Variants in FARP1 observed in about 807,000 individuals in gnomAD.
The protein encoded by FARP1 is FERM, ARH/RhoGEF and pleckstrin domain protein 1.
A neutral mutation model predicts 128.8 loss-of-function variants in FARP1; 52 were observed. The observed-to-expected ratio is 0.40, with a 90% confidence interval of 0.32 to 0.51. FARP1 has a LOEUF of 0.51. FARP1 is among the 20% of genes least tolerant of loss of function. The probability of loss-of-function intolerance (pLI) is 0.45; values close to 1 mark genes in which losing one functional copy is unlikely to be tolerated. For synonymous variants in FARP1, 580 were observed against 551.8 expected, an observed-to-expected ratio of 1.05 and a Z score of -0.72; for missense variants, 1,333 against 1,367.9, an observed-to-expected ratio of 0.97 and a Z score of 0.40.
At chr13:98,417,325 G>A (rs1295480708) in intron 16 of FARP1, among the ~76,000 whole-genome samples, 1 of 151,952 alleles carries the variant, frequency 6.6e-6, no homozygotes, top group Admixed American at 6.6e-5. Flanking sequence ...TCAAGGAAGA[G>A]AACATTAAGA....
intron 18 of FARP1, chr13:98,433,420 C>CCAGAA (rs1489161148): frequency 6.6e-6 from 1 of 152,190 alleles, no homozygotes; most frequent in Non-Finnish European, 1.5e-5. Context: ...TTGTCATTGA[C>CCAGAA]CATCTGTCTT....
At chr13:98,260,776 CT>C (rs1883840912) in intron 2 of FARP1, among the ~76,000 whole-genome samples, 1 of 152,224 alleles carries the variant, frequency 6.6e-6, no homozygotes, top group Admixed American at 6.5e-5. Context: ...AAGCTGACCA[CT>C]GTTTGAAATC....
At chr13:98,292,479 A>G (rs1403968478) in intron 2 of FARP1, among the ~76,000 whole-genome samples, 2 of 152,244 alleles carry the variant, frequency 1.3e-5, no homozygotes, top group East Asian at 3.8e-4. Flanking sequence ...TCTCATGGCC[A>G]GGCAGTGCAA....
intron 2 of FARP1, among the ~76,000 whole-genome samples, chr13:98,253,642 G>A (rs1883452384): frequency 6.7e-6 from 1 of 150,284 alleles, no homozygotes; most frequent in Non-Finnish European, 1.5e-5. Context: ...AGTGTAGACT[G>A]CTGTGGGCTT....
At chr13:98,146,520 G>A (rs1875578032) in intron 1 of FARP1, among the ~76,000 whole-genome samples, 1 of 152,218 alleles carries the variant, frequency 6.6e-6, no homozygotes, top group African/African-American at 2.4e-5. Flanking sequence ...GAGTCACAGA[G>A]CCTGGCCTTG....
At position 98,176,473 on chromosome 13, in the gene FARP1, C is replaced by G. The variant is rs199776079; in HGVS notation, c.-24+32981C>G. On this transcript the variant is annotated intron_variant, in intron 1 of 26. Transcript: ENST00000319562. The surrounding 1 kb of genome is among the most constrained non-coding windows in gnomAD (Gnocchi z 6.2). ...GAAGGCCTGGCGACATATGAAACACCTGAATGGTATTTCCTCTTCCTCGCT... is the reference window on the plus strand; with the variant it reads ...GAAGGCCTGGCGACATATGAAACACGTGAATGGTATTTCCTCTTCCTCGCT... 2 of 1,614,100 alleles carry G rather than the reference C, an allele frequency of 1.2e-6. No individual in the cohort carries two copies. Among genetic ancestry groups the G allele is most frequent in the South Asian group, 2.2e-5 (2 of 91,086 alleles).
intron 16 of FARP1, among the ~76,000 whole-genome samples, chr13:98,415,695 A>G (rs1891347408): frequency 6.6e-6 from 1 of 152,274 alleles, no homozygotes; most frequent in African/African-American, 2.4e-5. Flanking sequence ...AGTGAGAAGA[A>G]TGGATCACAG....
intron 25 of FARP1, 60 bp from the exon 26 acceptor site, chr13:98,446,605 GC>G: frequency 6.4e-6 from 10 of 1,568,032 alleles, no homozygotes; most frequent in Admixed American, 1.7e-5. Context: ...CGGGGCAGCA[GC>G]CAGGCCCAGC....
At chr13:98,303,536 T>C (rs1432855942) in intron 2 of FARP1, among the ~76,000 whole-genome samples, 1 of 152,184 alleles carries the variant, frequency 6.6e-6, no homozygotes, top group East Asian at 1.9e-4. Flanking sequence ...TGTTCATAAA[T>C]GATGCTGTTA....
rs1442904282 is a variant in FARP1, at chr13:98,451,794, C to T, written c.*3477C>T. ...TGCACGAACCCTCCCACTCCAGAAA[C>T]CCAGAGATTTTCCCCCTCGCCAAGC... is the stretch of plus-strand genomic sequence containing the variant. On this transcript the variant is annotated 3_prime_UTR_variant, in exon 27 of 27. Coordinates refer to ENST00000319562, the MANE Select transcript of FARP1 (RefSeq NM_005766.4). 6.6e-6 allele frequency: 1 copy of T among 152,328 alleles called. No individual in the cohort carries two copies. Among genetic ancestry groups the T allele is most frequent in the East Asian group, 1.9e-4 (1 of 5,204 alleles). 9.4% of individuals were successfully genotyped at this position (152,328 alleles called of 1,614,324 possible).
Position 98,425,766 on chromosome 13 carries a change from T to A in FARP1, c.1905+1116T>A, listed in dbSNP as rs1396229251. Reference sequence around the variant, plus strand: ...GTGAAAGTATATCCAAAGAAGTCAATAAATATTAAATTAATACTCTACCAC... The same window carrying A: ...GTGAAAGTATATCCAAAGAAGTCAAAAAATATTAAATTAATACTCTACCAC... On this transcript the variant is annotated intron_variant, in intron 17 of 26. Coordinates refer to ENST00000319562, the MANE Select transcript of FARP1 (RefSeq NM_005766.4). Among the ~76,000 whole-genome samples, 4 of 152,316 alleles carry A rather than the reference T, an allele frequency of 2.6e-5. No individual in the cohort carries two copies. The East Asian group carries it at 7.7e-4, about 29-fold the overall frequency.
At chr13:98,241,049 A>T (rs1457147518) in intron 2 of FARP1, among the ~76,000 whole-genome samples, 2 of 152,242 alleles carry the variant, frequency 1.3e-5, no homozygotes, top group Non-Finnish European at 2.9e-5. Context: ...GCACGCGCAC[A>T]TGGCAGTCGA....
chr13:98,176,512 T>C lies in FARP1; in HGVS notation c.-24+33020T>C. On this transcript the variant is annotated intron_variant, in intron 1 of 26. Coordinates refer to ENST00000319562, the MANE Select transcript of FARP1 (RefSeq NM_005766.4). The surrounding 1 kb of genome is among the most constrained non-coding windows in gnomAD (Gnocchi z 6.2). The stretch of plus-strand genomic sequence containing the variant: ...CTCTTCCTCGCTTCCCACTTCATGG[T>C]TTTCGTCCTCGCAGATACAGTAGCG... 6.2e-7 allele frequency: 1 copy of C among 1,614,098 alleles called. No individual in the cohort carries two copies. The highest frequency in any genetic ancestry group is 8.5e-7 in the Non-Finnish European group (1 of 1,180,014).
chr13:98,281,817 C>T (rs752426084), intron 2 of FARP1, among the ~76,000 whole-genome samples: 1 of 152,016 alleles, frequency 6.6e-6, no homozygotes, highest in African/African-American at 2.4e-5. Flanking sequence ...AGTAAGTTAC[C>T]CAGCTAATTT....
Position 98,410,823 on chromosome 13 carries a change from G to A in FARP1, c.1692G>A (p.Ser564=). The A allele has an allele frequency of 1.3e-6, 2 of 1,505,314 alleles. No homozygotes were observed. Among genetic ancestry groups the A allele is most frequent in the South Asian group, 2.3e-5 (2 of 86,898 alleles). The allele number at this position is 1,505,314 out of a possible 1,614,324, so 93.2% of individuals were successfully genotyped here. Residue 564 remains serine, a splice_region_variant and synonymous_variant, in exon 15 of 27, where the codon TCG becomes TCA. Coordinates refer to ENST00000319562, the MANE Select transcript of FARP1 (RefSeq NM_005766.4). ...TGAAGGATCTCGAAGTTATCACTTC[G>A]GTATGTGCAGTATTTCCCCAAAAGC... ...TYLKDLEVIT[S]WFQSTVSKED...
chr13:98,254,220 G>T (rs143163240), intron 2 of FARP1, among the ~76,000 whole-genome samples: 1 of 152,154 alleles, frequency 6.6e-6, no homozygotes, highest in African/African-American at 2.4e-5. Context: ...ACTAATACAT[G>T]CCATTATTGG....
At chr13:98,211,623 C>T (rs1447588342) in intron 1 of FARP1, among the ~76,000 whole-genome samples, 2 of 152,190 alleles carry the variant, frequency 1.3e-5, no homozygotes, top group African/African-American at 4.8e-5. Context: ...CTGTGGATGC[C>T]ATTCCACTTC....
intron 1 of FARP1, among the ~76,000 whole-genome samples, chr13:98,194,142 G>A (rs1594254460): frequency 6.6e-6 from 1 of 151,904 alleles, no homozygotes; most frequent in Non-Finnish European, 1.5e-5. Context: ...TTGAGACGAA[G>A]TTTTGCTCTT....
chr13:98,219,360 C>CT (rs772970842), intron 2 of FARP1, among the ~76,000 whole-genome samples: 2,571 of 144,932 alleles, frequency 0.018, 40 homozygotes, highest in Non-Finnish European at 0.024. Flanking sequence ...ATTAAAAAGT[C>CT]TTTTTTTTTT....
Sources: allele counts gnomAD v4.1 joint callset (sites outside exome capture counted in the v4.1 genomes callset), GRCh38; gene constraint gnomAD v4.1.1; non-coding constraint Gnocchi (gnomAD v3.1); transcripts MANE v1.5; gene names NCBI Gene and HGNC (gene_info 2026-07-23, HGNC 2026-07-21).